MAGI2: variants seen among roughly 807,000 people sequenced by gnomAD.
MAGI2 encodes the protein membrane associated guanylate kinase, WW and PDZ domain containing 2.
MAGI2 carries 35 observed loss-of-function variants against 133.3 expected under a neutral mutation model. The ratio of observed to expected loss-of-function variants is 0.26; its 90% CI spans 0.20 to 0.35. The LOEUF (loss-of-function observed/expected upper bound fraction) is 0.35, where lower values mean the gene tolerates loss of function less well. Among genes scored for constraint, MAGI2 ranks in the 10% least tolerant of loss-of-function variants. The probability of loss-of-function intolerance (pLI) is 1.00; values close to 1 mark genes in which losing one functional copy is unlikely to be tolerated. For synonymous variants in MAGI2, 729 were observed against 710.6 expected, an observed-to-expected ratio of 1.03 and a Z score of -0.41; for missense variants, 1,636 against 1,863.4, an observed-to-expected ratio of 0.88 and a Z score of 2.25.
At chr7:78,813,208 A>G (rs1334309233) in intron 2 of MAGI2, among the ~76,000 whole-genome samples, 2 of 152,232 alleles carry the variant, frequency 1.3e-5, no homozygotes, top group Non-Finnish European at 2.9e-5. Flanking sequence ...TTATTTTATG[A>G]GGCCCAAATT....
At chr7:78,327,945 C>G (rs1788753535) in intron 9 of MAGI2, among the ~76,000 whole-genome samples, 1 of 152,118 alleles carries the variant, frequency 6.6e-6, no homozygotes, top group South Asian at 2.1e-4. Context: ...TAATGCCACT[C>G]CACACATCAA....
intron 2 of MAGI2, among the ~76,000 whole-genome samples, chr7:78,724,321 T>C (rs760512748): frequency 9.9e-5 from 15 of 152,062 alleles, no homozygotes; most frequent in Admixed American, 8.5e-4. Flanking sequence ...GACTAAAGAC[T>C]GAAAAAGTAA....
intron 1 of MAGI2, among the ~76,000 whole-genome samples, chr7:79,376,247 T>A (rs1843373447): frequency 6.6e-6 from 1 of 151,916 alleles, no homozygotes; most frequent in Non-Finnish European, 1.5e-5. Flanking sequence ...AAGTGTAGTC[T>A]GTAAATTAGG....
At chr7:79,446,820 C>G (rs867439373) in intron 1 of MAGI2, among the ~76,000 whole-genome samples, 1 of 152,042 alleles carries the variant, frequency 6.6e-6, no homozygotes, top group Non-Finnish European at 1.5e-5. Context: ...GCGTGGATGG[C>G]GGGCACCTGT....
At chr7:78,381,926 A>T (rs10260692) in intron 6 of MAGI2, among the ~76,000 whole-genome samples, 83,074 of 152,022 alleles carry the variant, frequency 0.55, 23,588 homozygotes, top group Middle Eastern at 0.66. Flanking sequence ...TTTGACTCAA[A>T]AATCTCTCCT....
intron 19 of MAGI2, among the ~76,000 whole-genome samples, chr7:78,126,120 A>C (rs1820950684): frequency 6.6e-6 from 1 of 152,088 alleles, no homozygotes; most frequent in Admixed American, 6.6e-5. Context: ...ATGATTACAG[A>C]TAGGCCTGAG....
chr7:79,380,165 A>T (rs1186904892), intron 1 of MAGI2, among the ~76,000 whole-genome samples: 1 of 151,844 alleles, frequency 6.6e-6, no homozygotes, highest in East Asian at 1.9e-4. Flanking sequence ...ATTAAACTAA[A>T]GAGCTTCTGC....
intron 1 of MAGI2, among the ~76,000 whole-genome samples, chr7:79,112,856 A>AT (rs60791211): frequency 3.9e-5 from 6 of 152,122 alleles, no homozygotes; most frequent in Admixed American, 1.3e-4. Context: ...TGACCTTTAC[A>AT]TTTTTTTGTC....
chr7:78,464,649 C>T (rs115963562), intron 6 of MAGI2, among the ~76,000 whole-genome samples: 3 of 151,796 alleles, frequency 2.0e-5, no homozygotes, highest in Non-Finnish European at 2.9e-5. Context: ...AAAAGTTATT[C>T]TACATATTAA....
chr7:79,235,401 C>CCT (rs1831819436), intron 1 of MAGI2, among the ~76,000 whole-genome samples: 2 of 151,994 alleles, frequency 1.3e-5, no homozygotes, highest in Admixed American at 1.3e-4. Context: ...GCCTCGCTGC[C>CCT]GCCTTGCAGT....
chr7:78,199,525 G>A (rs142364358), intron 11 of MAGI2, among the ~76,000 whole-genome samples: 136 of 152,290 alleles, frequency 8.9e-4, no homozygotes, highest in Middle Eastern at 3.4e-3. Flanking sequence ...GATAGCTTAC[G>A]TAGCTAGCTC....
At chr7:78,705,581 C>G (rs1818561898) in intron 2 of MAGI2, among the ~76,000 whole-genome samples, 1 of 152,034 alleles carries the variant, frequency 6.6e-6, no homozygotes, top group Admixed American at 6.6e-5. Context: ...GACAAACTTT[C>G]CTTCAGTGGA....
chr7:79,066,992 T>C (rs777322455), intron 1 of MAGI2, among the ~76,000 whole-genome samples: 11 of 152,216 alleles, frequency 7.2e-5, no homozygotes, highest in Non-Finnish European at 1.6e-4. Context: ...GCCAGTACCA[T>C]GCTGTTTTGG....
At chr7:78,392,809 A>G (rs1381073631) in intron 6 of MAGI2, among the ~76,000 whole-genome samples, 2 of 151,800 alleles carry the variant, frequency 1.3e-5, no homozygotes, top group East Asian at 3.9e-4. Flanking sequence ...GCACCTGGCT[A>G]ATTTTGTATT....
chr7:78,432,599 T>C (rs1799905493), intron 6 of MAGI2, among the ~76,000 whole-genome samples: 2 of 152,104 alleles, frequency 1.3e-5, no homozygotes, highest in South Asian at 4.1e-4. Flanking sequence ...ATCTAATTAA[T>C]AGATTTAATA....
chr7:78,594,491 C>G (rs1441064779), intron 3 of MAGI2, among the ~76,000 whole-genome samples: 2 of 152,110 alleles, frequency 1.3e-5, no homozygotes, highest in Non-Finnish European at 2.9e-5. Context: ...CAGAGTCTTG[C>G]TCTGTTGCCA....
At chr7:79,354,224 G>A (rs965638834) in intron 1 of MAGI2, 1 of 152,196 alleles carries the variant, frequency 6.6e-6, no homozygotes, top group South Asian at 2.1e-4. Flanking sequence ...GTAGCTATAG[G>A]TGTCAGCTCC....
chr7:78,557,320 C>T (rs1799940600), intron 3 of MAGI2, among the ~76,000 whole-genome samples: 1 of 152,020 alleles, frequency 6.6e-6, no homozygotes, highest in South Asian at 2.1e-4. Flanking sequence ...AAATTGGAAG[C>T]CCCCCAAAGG....
intron 10 of MAGI2, 128 bp downstream of exon 10, chr7:78,255,815 C>G (rs1242074198): frequency 5.1e-6 from 5 of 979,554 alleles, no homozygotes; most frequent in African/African-American, 1.7e-5. Flanking sequence ...TTCTCTCTCA[C>G]TCTTTAAGCT....
Sources: gnomAD v4.1 joint callset for allele counts (sites outside exome capture counted in the v4.1 genomes callset) on GRCh38, gnomAD v4.1.1 for gene constraint, MANE v1.5 for transcripts, NCBI Gene and HGNC (gene_info 2026-07-23, HGNC 2026-07-21) for gene names.